The following GRM5 variants were observed in gnomAD, a reference collection of about 807,000 sequenced individuals.
GRM5 encodes the protein glutamate metabotropic receptor 5.
Under a neutral mutation model 83.1 loss-of-function variants are expected in GRM5, and 19 were observed. The ratio of observed to expected loss-of-function variants is 0.23; its 90% CI spans 0.16 to 0.34. The LOEUF (loss-of-function observed/expected upper bound fraction) is 0.34, where lower values mean the gene tolerates loss of function less well. Ranked by LOEUF, GRM5 falls within the 10% of genes least tolerant of loss-of-function variation. GRM5 has a pLI of 1.00. For synonymous variants in GRM5, 675 were observed against 633.6 expected (o/e 1.07, Z -0.98); for missense variants, 1,160 against 1,588.3 (o/e 0.73, Z 4.58).
chr11:88,827,274 C>T (rs1206232818), intron 3 of GRM5, among the ~76,000 whole-genome samples: 2 of 152,206 alleles, frequency 1.3e-5, no homozygotes, highest in African/African-American at 4.8e-5. Flanking sequence ...TCTGGCACTA[C>T]TCCACATCAG....
intron 2 of GRM5, among the ~76,000 whole-genome samples, chr11:88,910,373 T>C (rs1945476536): frequency 6.6e-6 from 1 of 152,074 alleles, no homozygotes; most frequent in South Asian, 2.1e-4. Context: ...TTATGAACAT[T>C]GATATGCAAA....
chr11:88,887,896 T>C (rs977254483), intron 2 of GRM5, among the ~76,000 whole-genome samples: 13 of 152,018 alleles, frequency 8.6e-5, no homozygotes, highest in African/African-American at 3.1e-4. Flanking sequence ...TTAGCAATCA[T>C]ATCAGGCAGG....
intron 3 of GRM5, among the ~76,000 whole-genome samples, chr11:88,820,735 G>C (rs980917251): frequency 1.3e-5 from 2 of 152,168 alleles, no homozygotes; most frequent in Non-Finnish European, 2.9e-5. Context: ...ACCTCTCTAT[G>C]TCTTGTTTTG....
chr11:88,649,171 A>G (rs1939554853), intron 4 of GRM5, among the ~76,000 whole-genome samples: 1 of 140,152 alleles, frequency 7.1e-6, no homozygotes, highest in Non-Finnish European at 1.5e-5. Flanking sequence ...ATACATGTGT[A>G]TGTATATATT....
chr11:88,771,497 G>T (rs1942736319), intron 3 of GRM5, among the ~76,000 whole-genome samples: 1 of 152,120 alleles, frequency 6.6e-6, no homozygotes, highest in Non-Finnish European at 1.5e-5. Flanking sequence ...AGGAACAGAT[G>T]GGAGCATGTA....
In GRM5 at chr11:88,789,545, C is replaced by T. The variant is rs1695463; in HGVS notation, c.911+60361G>A. 1.3e-5 allele frequency among the ~76,000 whole-genome samples: 2 copies of T among 151,994 alleles called. 1 individual carries two copies. The highest frequency in any genetic ancestry group is 2.9e-5 in the Non-Finnish European group (2 of 68,000). ...TTAGCCATTTTTGATATTTTTAATA[C>T]TCAGAGAATTTATAAACATTCCTAA... On this transcript the variant is annotated intron_variant, in intron 3 of 9. Transcript: ENST00000305447.
chr11:88,597,326 A>G lies in GRM5; in HGVS notation c.1421T>C (p.Met474Thr), dbSNP rs200426073. The change falls in exon 6 of 10, where the codon ATG (methionine) becomes ACG (threonine). Residue 474 changes from methionine (M) to threonine (T), a missense_variant. Around this residue, in one of 9 missense-constraint regions of GRM5, gnomAD observed 132 missense variants for 197.6 expected, o/e 0.67. Coordinates refer to ENST00000305447, the MANE Select transcript of GRM5 (RefSeq NM_001143831.3). ...GRYEIMNFKE[M>T]GKDYFDYINV... Reference sequence around the variant, plus strand: ...GATATAATCAAAGTAATCTTTTCCCATTTCCTTGAAATTCATTATTTCATA... The same window carrying G: ...GATATAATCAAAGTAATCTTTTCCCGTTTCCTTGAAATTCATTATTTCATA... 2.6e-6 allele frequency: 4 copies of G among 1,541,162 alleles called. No homozygotes were observed. The South Asian group carries it at 3.4e-5, about 13-fold the overall frequency.
intron 5 of GRM5, among the ~76,000 whole-genome samples, chr11:88,600,462 T>C (rs1937952386): frequency 6.6e-6 from 1 of 151,948 alleles, no homozygotes; most frequent in Non-Finnish European, 1.5e-5. Context: ...CCTTACTCTC[T>C]AACTCCTCAT....
intron 3 of GRM5, among the ~76,000 whole-genome samples, chr11:88,725,795 CCTGA>C (rs199947951): frequency 2.0e-5 from 3 of 152,074 alleles, no homozygotes; most frequent in Non-Finnish European, 2.9e-5. Flanking sequence ...AGCAGAGGGG[CCTGA>C]CTGTTAGAAG....
intron 3 of GRM5, among the ~76,000 whole-genome samples, chr11:88,782,619 C>T (rs1387367442): frequency 6.6e-6 from 1 of 152,002 alleles, no homozygotes; most frequent in African/African-American, 2.4e-5. Flanking sequence ...TTCCATATCA[C>T]CTTATATATA....
chr11:88,564,327 C>G (rs1452935387), intron 8 of GRM5, among the ~76,000 whole-genome samples: 1 of 152,136 alleles, frequency 6.6e-6, no homozygotes, highest in African/African-American at 2.4e-5. Flanking sequence ...AATATTGCAA[C>G]AAAAATCTTT....
intron 3 of GRM5, among the ~76,000 whole-genome samples, chr11:88,790,989 C>A (rs1943163003): frequency 6.6e-6 from 1 of 151,878 alleles, no homozygotes. Flanking sequence ...ATTGCAAGCA[C>A]AGGAGAGGAA....
intron 2 of GRM5, among the ~76,000 whole-genome samples, chr11:88,987,185 T>G (rs1490953610): frequency 6.6e-6 from 1 of 152,076 alleles, no homozygotes; most frequent in African/African-American, 2.4e-5. Context: ...GGTGAGGCAT[T>G]GCCTCACTCG....
intron 3 of GRM5, among the ~76,000 whole-genome samples, chr11:88,807,974 T>C (rs1250953163): frequency 2.6e-5 from 4 of 152,068 alleles, no homozygotes; most frequent in African/African-American, 9.6e-5. Context: ...ATAGGCATAT[T>C]AGACATTTTA....
chr11:88,794,727 A>G (rs563823365), intron 3 of GRM5, among the ~76,000 whole-genome samples: 1 of 152,310 alleles, frequency 6.6e-6, no homozygotes, highest in East Asian at 1.9e-4. Context: ...ATGATGATGA[A>G]CGAGTGTTAA....
At chr11:88,994,015 C>A (rs1428767829) in intron 2 of GRM5, among the ~76,000 whole-genome samples, 1 of 152,070 alleles carries the variant, frequency 6.6e-6, no homozygotes, top group East Asian at 1.9e-4. Flanking sequence ...ACTGTACCAA[C>A]CTCAGTAAAG....
intron 2 of GRM5, among the ~76,000 whole-genome samples, chr11:88,930,418 T>C (rs1168969428): frequency 6.6e-6 from 1 of 152,090 alleles, no homozygotes; most frequent in Non-Finnish European, 1.5e-5. Flanking sequence ...CCATCTCTAA[T>C]AAATACATAA....
chr11:88,522,821 C>T (rs7942664), intron 9 of GRM5: 6 of 151,934 alleles, frequency 3.9e-5, no homozygotes, highest in Admixed American at 2.0e-4. Context: ...GTGTAATAAG[C>T]CTTTCTATTA....
intron 4 of GRM5, among the ~76,000 whole-genome samples, chr11:88,618,402 T>C (rs1365317801): frequency 6.6e-6 from 1 of 152,226 alleles, no homozygotes; most frequent in African/African-American, 2.4e-5. Context: ...AATGATTTAG[T>C]AGAATTCACT....
Sources: gnomAD v4.1 joint callset for allele counts (sites outside exome capture counted in the v4.1 genomes callset) on GRCh38, gnomAD v4.1.1 for gene constraint, gnomAD v4.1.1 regional missense constraint, MANE v1.5 for transcripts, NCBI Gene and HGNC (gene_info 2026-07-23, HGNC 2026-07-21) for gene names.